The following EP300 variants were observed in gnomAD, a reference collection of about 807,000 sequenced individuals.
EP300 encodes histone acetyltransferase p300.
Under a neutral mutation model 264.0 loss-of-function variants are expected in EP300, and 31 were observed. The observed-to-expected ratio is 0.12, with a 90% confidence interval of 0.09 to 0.16. The LOEUF (loss-of-function observed/expected upper bound fraction) is 0.16. EP300 is among the 10% of genes least tolerant of loss of function. The probability of loss-of-function intolerance (pLI) is 1.00; values close to 1 mark genes in which losing one functional copy is unlikely to be tolerated. For missense variants in EP300, 2,766 were observed against 3,052.9 expected (o/e 0.91, Z 2.21); for synonymous variants, 1,340 against 1,045.4 (o/e 1.28, Z -5.44).
rs531197375 is a variant in EP300, at chr22:41,140,994, G to T, written c.1879-54G>T. On this transcript the variant is annotated intron_variant, in intron 9 of 30. Transcript: ENST00000263253. ...TCTCAGTTTATTTTTTCTGTTACCT[G>T]GTGGTAGTTCCTTTTTTCCTCATCT... The T allele has an allele frequency of 6.5e-6, 10 of 1,528,218 alleles. No homozygotes were observed. The South Asian group carries it at 1.2e-4, about 18-fold the overall frequency. 94.7% of individuals were successfully genotyped at this position (1,528,218 alleles called of 1,614,324 possible). A position where few individuals can be genotyped will look rare whatever the true frequency, so the allele number is the denominator to read the frequency against.
Position 41,168,874 on chromosome 22 carries a change from C to T in EP300, c.4172+7C>T, listed in dbSNP as rs752087395. On this transcript the variant is annotated splice_region_variant and intron_variant, in intron 25 of 30. Transcript: ENST00000263253. ...GCCCTCCACCCAACCAGAGGTATGA[C>T]TAGCTCACAGTGGCTAGCTCCGGAT... The T allele has an allele frequency of 6.8e-6, 11 of 1,614,042 alleles. No homozygotes were observed. The highest frequency in any genetic ancestry group is 3.3e-5 in the Admixed American group (2 of 60,002).
rs142030651 is a variant in EP300 at position 41,117,723 on chromosome 22, G to A, written c.631G>A (p.Gly211Ser). The A allele has an allele frequency of 8.2e-3, 13,242 of 1,614,214 alleles. 76 individuals carry two copies. Among genetic ancestry groups the A allele is most frequent in the Admixed American group, 0.011 (672 of 60,012 alleles). ...ACAGAATATGCAGTACCCAAACCCAGGCATGGGAAGTGCTGGCAACTTACT... is the reference window on the plus strand; with the variant it reads ...ACAGAATATGCAGTACCCAAACCCAAGCATGGGAAGTGCTGGCAACTTACT... ...GRQNMQYPNP[G>S]MGSAGNLLTE... The change falls in exon 2 of 31, where the codon GGC (glycine) becomes AGC (serine). Residue 211 changes from glycine to serine, a missense_variant. Gly to Ser is a moderately conservative substitution (Grantham distance 56). Transcript: ENST00000263253.
chr22:41,106,000 A>C (rs1286433252), intron 1 of EP300, among the ~76,000 whole-genome samples: 1 of 152,064 alleles, frequency 6.6e-6, no homozygotes, highest in Non-Finnish European at 1.5e-5. Flanking sequence ...AATTTTCTTA[A>C]TGTTCCTTCA....
In EP300 at chr22:41,140,143, C is replaced by A. The variant is rs761905779; in HGVS notation, c.1764C>A (p.Val588=). ...TGGTAGGATTTTCTTTTTCCAGCGT[C>A]CAAGCCATATTTCCTACGCCGGATC... is the stretch of plus-strand genomic sequence containing the variant. ...DLRNHLVHKL[V]QAIFPTPDPA... is the part of the protein sequence containing the mutation. Residue 588 remains valine (V), a synonymous_variant, in exon 9 of 31, where the codon GTC becomes GTA. Coordinates refer to ENST00000263253, the MANE Select transcript of EP300 (RefSeq NM_001429.4). The A allele has an allele frequency of 1.7e-5, 27 of 1,612,344 alleles. No homozygotes were observed. The highest frequency in any genetic ancestry group is 2.2e-5 in the Non-Finnish European group (26 of 1,178,412).
chr22:41,140,998 G>C (rs759797115), intron 9 of EP300, 50 bp from the exon 10 acceptor site: 56 of 1,550,232 alleles, frequency 3.6e-5, no homozygotes, highest in Admixed American at 1.0e-4. Context: ...TTACCTGGTG[G>C]TAGTTCCTTT....
chr22:41,176,461 G>C lies in EP300; in HGVS notation c.4994G>C (p.Arg1665Pro), dbSNP rs1601639332. The C allele has an allele frequency of 6.2e-7, 1 of 1,614,172 alleles. No homozygotes were observed. The highest frequency in any genetic ancestry group is 8.5e-7 in the Non-Finnish European group (1 of 1,180,046). ...GAGCTGCACACGCAGAGCCAGGACC[G>C]CTTTGTCTACACCTGCAATGAATGC... ...LVELHTQSQD[R>P]FVYTCNECKH... Residue 1665 changes from arginine (R) to proline (P), a missense_variant, in exon 30 of 31, where the codon CGC becomes CCC. Transcript: ENST00000263253.
chr22:41,141,153 G>A lies in EP300; in HGVS notation c.1984G>A (p.Ala662Thr), dbSNP rs934248421. 2.5e-6 allele frequency: 4 copies of A among 1,614,162 alleles called. No individual in the cohort carries two copies. In the South Asian group the frequency reaches 3.3e-5, roughly 13 times the overall value. The change falls in exon 10 of 31, where the codon GCA becomes ACA. Residue 662 changes from alanine (A) to threonine (T), a missense_variant. Transcript: ENST00000263253. ...GAAGCAGAACATGCTACCAAATGCT[G>A]CAGGCATGGTTCCAGTTTCCATGAA... ...LQKQNMLPNAAGMVPVSMNPG... is the reference protein window; with the variant it reads ...LQKQNMLPNATGMVPVSMNPG...
At chr22:41,146,902 G>A (rs558077408) in intron 11 of EP300, 86 bp downstream of exon 11, 3 of 1,181,414 alleles carry the variant, frequency 2.5e-6, no homozygotes, top group African/African-American at 1.5e-5. Flanking sequence ...CCCGCTTTAT[G>A]CCAACAGCAA....
intron 16 of EP300, 109 bp from the exon 17 acceptor site, chr22:41,154,886 A>G (rs2145744134): frequency 1.3e-6 from 1 of 775,410 alleles, no homozygotes; most frequent in Non-Finnish European, 2.3e-6. Context: ...CAGAGTGGTT[A>G]ATTTTGTTAT....
rs2145710092 is a variant in EP300 at position 41,127,529 on chromosome 22, A to T, written c.949A>T (p.Thr317Ser). ...APQVQQPGLV[T>S]PVAQGMGSGA... ...GCAGGTCCAGCAGCCAGGCCTGGTG[A>T]CTCCAGTTGCCCAAGGGATGGGTTC... The change falls in exon 4 of 31, where the codon ACT becomes TCT. Residue 317 changes from threonine (T) to serine (S), a missense_variant. Transcript: ENST00000263253. The T allele has an allele frequency of 6.2e-7, 1 of 1,614,120 alleles. No homozygotes were observed. The highest frequency in any genetic ancestry group is 1.1e-5 in the South Asian group (1 of 91,084).
rs2145765137 is a variant in EP300 at position 41,169,557 on chromosome 22, G to C, written c.4227G>C (p.Leu1409Phe). The change falls in exon 26 of 31, where the codon TTG becomes TTC. Residue 1409 changes from leucine (L) to phenylalanine (F), a missense_variant. Transcript: ENST00000263253. The part of the protein sequence containing the change: ...DSVHFFRPKC[L>F]RTAVYHEILI... ...TTCATTTCTTCCGTCCTAAATGCTT[G>C]AGGACTGCAGTCTATCATGAAATCC... is the stretch of plus-strand genomic sequence containing the variant. 1 of 1,610,172 alleles carries C rather than the reference G, an allele frequency of 6.2e-7. No individual in the cohort carries two copies. The highest frequency in any genetic ancestry group is 8.5e-7 in the Non-Finnish European group (1 of 1,178,306).
intron 1 of EP300, among the ~76,000 whole-genome samples, chr22:41,101,458 C>T (rs1267086824): frequency 6.7e-6 from 1 of 149,716 alleles, no homozygotes; most frequent in African/African-American, 2.5e-5. Flanking sequence ...GTCACCCAGG[C>T]TAGAGTGCAG....
intron 10 of EP300, among the ~76,000 whole-genome samples, chr22:41,143,230 T>C (rs1284986568): frequency 2.0e-5 from 3 of 152,024 alleles, no homozygotes; most frequent in African/African-American, 7.2e-5. Flanking sequence ...AGGCTGCAGA[T>C]CACTTGAGCT....
chr22:41,145,307 G>T (rs1223817207), intron 10 of EP300, among the ~76,000 whole-genome samples: 1 of 152,196 alleles, frequency 6.6e-6, no homozygotes, highest in Non-Finnish European at 1.5e-5. Flanking sequence ...TATAAAGCTT[G>T]CAGAGTTACA....
At chr22:41,099,926 G>A (rs750123771) in intron 1 of EP300, among the ~76,000 whole-genome samples, 4 of 152,124 alleles carry the variant, frequency 2.6e-5, no homozygotes, top group Admixed American at 6.6e-5. Flanking sequence ...TCAGAATGGC[G>A]CACAGTTTAA....
In EP300 at chr22:41,178,281, ACAG is replaced by A. The variant is rs2145521315; in HGVS notation, c.6579_6581del (p.Gln2195del). ...TCTTGAGACGACAGCAAATGATGCAACAGCAGCAGCAACAGGGAGCAGGGCCAG... is the reference window on the plus strand; with the variant it reads ...TCTTGAGACGACAGCAAATGATGCAACAGCAGCAACAGGGAGCAGGGCCAG... On this transcript the variant is annotated inframe_deletion, in exon 31 of 31. Transcript: ENST00000263253. The A allele has an allele frequency of 6.2e-7, 1 of 1,613,556 alleles. No individual in the cohort carries two copies. Among genetic ancestry groups the A allele is most frequent in the Non-Finnish European group, 8.5e-7 (1 of 1,179,840 alleles).
rs757100115 is a variant in EP300, at chr22:41,176,319, C to T, written c.4852C>T (p.Leu1618Phe). 6.2e-7 allele frequency: 1 copy of T among 1,614,230 alleles called. No individual in the cohort carries two copies. The highest frequency in any genetic ancestry group is 2.2e-5 in the East Asian group (1 of 44,892). The stretch of plus-strand genomic sequence containing the variant: ...GCCTCCCATTGTTGATCCTGATCCT[C>T]TCATCCCCTGCGATCTGATGGATGG... ...SLPPIVDPDPLIPCDLMDGRD... is the reference protein window; with the variant it reads ...SLPPIVDPDPFIPCDLMDGRD... Residue 1618 changes from leucine (L) to phenylalanine (F), a missense_variant, in exon 30 of 31, where the codon CTC becomes TTC. Transcript: ENST00000263253.
rs753914529 is a variant in EP300, at chr22:41,178,038, G to T, written c.6327G>T (p.Gly2109=). ...PIPGQPGMPQ[G]QPGLQPPTMP... ...CTGGGCAGCCTGGCATGCCCCAGGG[G>T]CAGCCAGGGCTACAGCCACCTACCA... The change falls in exon 31 of 31, where the codon GGG becomes GGT. Residue 2109 remains glycine (G), a synonymous_variant. Transcript: ENST00000263253. 6.2e-7 allele frequency: 1 copy of T among 1,614,112 alleles called. No homozygotes were observed. The highest frequency in any genetic ancestry group is 2.2e-5 in the East Asian group (1 of 44,854).
rs564848230 is a variant in EP300 at position 41,173,692 on chromosome 22, C to T, written c.4687C>T (p.Leu1563=). 9.9e-6 allele frequency: 16 copies of T among 1,614,124 alleles called. No individual in the cohort carries two copies. The highest frequency in any genetic ancestry group is 8.0e-5 in the African/African-American group (6 of 75,022). ...NKKTSKNKSS[L]SRGNKKKPGM... is the part of the protein sequence containing the mutation. ...GAAAACCAGCAAAAATAAGAGCAGCCTGAGTAGGGGCAACAAGAAGAAACC... is the reference window on the plus strand; with the variant it reads ...GAAAACCAGCAAAAATAAGAGCAGCTTGAGTAGGGGCAACAAGAAGAAACC... The change falls in exon 29 of 31, where the codon CTG becomes TTG. Residue 1563 remains leucine (L), a synonymous_variant. Coordinates refer to ENST00000263253, the MANE Select transcript of EP300 (RefSeq NM_001429.4).
Sources: allele counts gnomAD v4.1 joint callset (sites outside exome capture counted in the v4.1 genomes callset), GRCh38; gene constraint gnomAD v4.1.1; transcripts MANE v1.5; gene names NCBI Gene and HGNC (gene_info 2026-07-23, HGNC 2026-07-21).